The following HIPK3 variants were observed in gnomAD, a reference collection of about 807,000 sequenced individuals.
The protein encoded by HIPK3 is homeodomain interacting protein kinase 3.
HIPK3 carries 47 observed loss-of-function variants against 124.2 expected under a neutral mutation model. The ratio of observed to expected loss-of-function variants is 0.38; its 90% CI spans 0.30 to 0.48. The LOEUF (loss-of-function observed/expected upper bound fraction) is 0.48, where lower values mean the gene tolerates loss of function less well. Ranked by LOEUF, HIPK3 falls within the 20% of genes least tolerant of loss-of-function variation. The probability of loss-of-function intolerance (pLI) is 0.98; values close to 1 mark genes in which losing one functional copy is unlikely to be tolerated. For synonymous variants in HIPK3, 482 were observed against 515.2 expected (o/e 0.94, Z 0.87); for missense variants, 1,286 against 1,454.3 (o/e 0.88, Z 1.88).
At chr11:33,345,820 A>G (rs2133994163) in intron 8 of HIPK3, among the ~76,000 whole-genome samples, 1 of 152,278 alleles carries the variant, frequency 6.6e-6, no homozygotes, top group East Asian at 1.9e-4. Context: ...TAGTAAGGTA[A>G]CAGTCTCAGT....
At chr11:33,327,907 CCAAA>C in intron 2 of HIPK3, among the ~76,000 whole-genome samples, 1 of 152,224 alleles carries the variant, frequency 6.6e-6, no homozygotes. Flanking sequence ...TCCCAAATGA[CCAAA>C]CACTTTTAAG....
At chr11:33,284,087 A>G (rs967943761) in intron 1 of HIPK3, among the ~76,000 whole-genome samples, 3 of 152,194 alleles carry the variant, frequency 2.0e-5, no homozygotes, top group Non-Finnish European at 4.4e-5. Flanking sequence ...AGTTGCTCTC[A>G]TTTTTAATAT....
rs762862382 is a variant in HIPK3, at chr11:33,349,147, A to T, written c.2667A>T (p.Glu889Asp). The T allele has an allele frequency of 2.2e-5, 35 of 1,612,122 alleles. No individual in the cohort carries two copies. In the East Asian group the frequency reaches 7.6e-4, roughly 35 times the overall value. Residue 889 changes from glutamate (E) to aspartate (D), a missense_variant and splice_region_variant, in exon 14 of 17, where the codon GAA becomes GAT. Physicochemically the swap from Glu to Asp is conservative, Grantham distance 45. Transcript: ENST00000303296. ...GTTTTTCCCTTTTCTCTTCCACTAG[A>T]TGTAAAGGTAGTCTAGATTGTGAAG... ...EETSQRHSLR[E>D]CKGSLDCEAC...
At chr11:33,282,716 T>C (rs1415949613) in intron 1 of HIPK3, among the ~76,000 whole-genome samples, 1 of 152,112 alleles carries the variant, frequency 6.6e-6, no homozygotes, top group Non-Finnish European at 1.5e-5. Context: ...TAATCATCTC[T>C]TTTTCTGAGT....
upstream of HIPK3, among the ~76,000 whole-genome samples, chr11:33,257,017 C>T (rs1257756292): frequency 6.6e-6 from 1 of 152,224 alleles, no homozygotes; most frequent in African/African-American, 2.4e-5. Flanking sequence ...AATCCTGCTT[C>T]CGCATCTTCA....
intron 7 of HIPK3, among the ~76,000 whole-genome samples, chr11:33,341,331 C>T (rs1024816257): frequency 6.6e-6 from 1 of 152,132 alleles, no homozygotes; most frequent in African/African-American, 2.4e-5. Context: ...CCATTCCTCT[C>T]TTCATTCTCT....
intron 2 of HIPK3, among the ~76,000 whole-genome samples, chr11:33,301,918 TTAGA>T (rs1852012012): frequency 6.6e-6 from 1 of 151,666 alleles, no homozygotes; most frequent in African/African-American, 2.4e-5. Flanking sequence ...AGAATATATT[TTAGA>T]TAGGTCTCTT....
rs573746136 is a variant in HIPK3 at position 33,340,166 on chromosome 11, C to T, written c.1613+632C>T. On this transcript the variant is annotated intron_variant, in intron 6 of 16. Coordinates refer to ENST00000303296, the MANE Select transcript of HIPK3 (RefSeq NM_005734.5). ...CACAATCTTTGCTCACTACAACCTCCGCCTCACAGGCTCAAGTGCTCCTCC... is the reference window on the plus strand; with the variant it reads ...CACAATCTTTGCTCACTACAACCTCTGCCTCACAGGCTCAAGTGCTCCTCC... Among the ~76,000 whole-genome samples, 10 of 152,310 alleles carry T rather than the reference C, an allele frequency of 6.6e-5. No individual in the cohort carries two copies. In the South Asian group the frequency reaches 1.5e-3, roughly 22 times the overall value.
At position 33,349,090 on chromosome 11, in the gene HIPK3, A is replaced by C. The variant is rs1440359739; in HGVS notation, c.2667-57A>C. On this transcript the variant is annotated intron_variant, in intron 13 of 16. Transcript: ENST00000303296. ...TAATTAAAGAATATAAATTTTGGCT[A>C]TTTGGAGAGTATCTTCTTGTATTTG... is the stretch of plus-strand genomic sequence containing the variant. 4.6e-6 allele frequency: 7 copies of C among 1,528,632 alleles called. No homozygotes were observed. In the East Asian group the frequency reaches 1.6e-4, roughly 35 times the overall value. The allele number at this position is 1,528,632 out of a possible 1,614,324, so 94.7% of individuals were successfully genotyped here. A position where few individuals can be genotyped will look rare whatever the true frequency, so the allele number is the denominator to read the frequency against.
chr11:33,326,963 G>T (rs1015846877), intron 2 of HIPK3, among the ~76,000 whole-genome samples: 11 of 152,102 alleles, frequency 7.2e-5, no homozygotes, highest in African/African-American at 2.7e-4. Context: ...TTACAGGTGT[G>T]AGCTACCACG....
intron 6 of HIPK3, among the ~76,000 whole-genome samples, chr11:33,340,346 G>T (rs1853294747): frequency 6.6e-6 from 1 of 152,210 alleles, no homozygotes; most frequent in South Asian, 2.1e-4. Flanking sequence ...AAAGTGCTGG[G>T]ACTATAGGTG....
intron 1 of HIPK3, among the ~76,000 whole-genome samples, chr11:33,270,379 GCTCACTGCAACTTCCGC>G (rs1386043112): frequency 1.3e-5 from 2 of 151,990 alleles, no homozygotes; most frequent in Non-Finnish European, 2.9e-5. Context: ...CACGATCTTG[GCTCACTGCAACTTCCGC>G]CTCCTGGGTT....
chr11:33,325,010 T>A (rs532743975), intron 2 of HIPK3, among the ~76,000 whole-genome samples: 2 of 152,380 alleles, frequency 1.3e-5, no homozygotes, highest in South Asian at 4.1e-4. Flanking sequence ...TCTTTTGTAT[T>A]TTAAAATGGG....
At chr11:33,309,369 T>G (rs1253180646) in intron 2 of HIPK3, among the ~76,000 whole-genome samples, 1 of 152,166 alleles carries the variant, frequency 6.6e-6, no homozygotes, top group Non-Finnish European at 1.5e-5. Flanking sequence ...CCCATGTTGG[T>G]CTCCCAAAGT....
intron 2 of HIPK3, among the ~76,000 whole-genome samples, chr11:33,307,755 G>GGTGTGT (rs150805766): frequency 4.3e-4 from 63 of 145,838 alleles, no homozygotes; most frequent in Middle Eastern, 3.6e-3. Context: ...TATTCTTGTT[G>GGTGTGT]GTGTGTGTGT....
chr11:33,338,170 C>T (rs1197038915), intron 4 of HIPK3, among the ~76,000 whole-genome samples: 1 of 152,172 alleles, frequency 6.6e-6, no homozygotes, highest in Non-Finnish European at 1.5e-5. Flanking sequence ...CTACATATCC[C>T]AAGTGTGCTA....
At chr11:33,348,452 C>T (rs1268778706) in intron 12 of HIPK3, 70 bp from the exon 13 acceptor site, 1 of 1,317,654 alleles carries the variant, frequency 7.6e-7, no homozygotes. Flanking sequence ...TCTGGTTTAA[C>T]AAGATACCTT....
rs901853763 is a variant in HIPK3 at position 33,257,915 on chromosome 11, G to A, written c.-3+26G>A. 9.3e-5 allele frequency: 92 copies of A among 985,528 alleles called. No homozygotes were observed. In the Middle Eastern group the frequency reaches 1.6e-3, roughly 17 times the overall value. The allele number at this position is 985,528 out of a possible 1,614,324, so 61.0% of individuals were successfully genotyped here. A position where few individuals can be genotyped will look rare whatever the true frequency, so the allele number is the denominator to read the frequency against. On this transcript the variant is annotated intron_variant, in intron 1 of 16. Coordinates refer to ENST00000303296, the MANE Select transcript of HIPK3 (RefSeq NM_005734.5). ...GTAAGGGAGTCGAGCGAGGGGCGCC[G>A]CCACCCCGGGGTGGGGGGATCGGCT...
At chr11:33,304,509 ATCATG>A (rs1227359547) in intron 2 of HIPK3, among the ~76,000 whole-genome samples, 1 of 151,980 alleles carries the variant, frequency 6.6e-6, no homozygotes, top group Non-Finnish European at 1.5e-5. Context: ...GAGAGCCGAG[ATCATG>A]CCATTGCACT....
Sources: allele counts gnomAD v4.1 joint callset (sites outside exome capture counted in the v4.1 genomes callset), GRCh38; gene constraint gnomAD v4.1.1; transcripts MANE v1.5; gene names NCBI Gene and HGNC (gene_info 2026-07-23, HGNC 2026-07-21).